XPO1: variants seen among roughly 807,000 people sequenced by gnomAD.
The protein encoded by XPO1 is exportin 1, also known as exportin-1.
Under a neutral mutation model 133.3 loss-of-function variants are expected in XPO1, and 5 were observed. The observed-to-expected ratio is 0.04, with a 90% CI of 0.02 to 0.08. The LOEUF (loss-of-function observed/expected upper bound fraction) is 0.08, where lower values mean the gene tolerates loss of function less well. Among genes scored for constraint, XPO1 ranks in the 10% least tolerant of loss-of-function variants. XPO1 has a pLI of 1.00. For synonymous variants in XPO1, 419 were observed against 408.2 expected, an observed-to-expected ratio of 1.03 and a Z score of -0.32; for missense variants, 506 against 1,267.5, an observed-to-expected ratio of 0.40 and a Z score of 9.12.
chr2:61,514,336 T>C (rs1263436809), intron 4 of XPO1, among the ~76,000 whole-genome samples: 5 of 152,142 alleles, frequency 3.3e-5, no homozygotes, highest in Admixed American at 6.6e-5. Context: ...CTCATGCCTG[T>C]AATCCCAGCA....
Position 61,502,258 on chromosome 2 carries a change from A to C in XPO1, c.354T>G (p.Thr118=), listed in dbSNP as rs751410234. ...CAAAATAAACTCTTACCTCTACACA[A>C]GTTGGGTCAGATGACGTCTTGATAA... ...GLIIKTSSDP[T]CVEKEKVYIG... Residue 118 remains threonine (T), a synonymous_variant, in exon 5 of 25, where the codon ACT becomes ACG. Coordinates refer to ENST00000401558, the MANE Select transcript of XPO1 (RefSeq NM_003400.4). 1.2e-6 allele frequency: 2 copies of C among 1,613,332 alleles called. No homozygotes were observed. Among genetic ancestry groups the C allele is most frequent in the South Asian group, 2.2e-5 (2 of 90,776 alleles).
At chr2:61,483,789 T>G in intron 21 of XPO1, 148 bp downstream of exon 21, 1 of 885,068 alleles carries the variant, frequency 1.1e-6, no homozygotes, top group African/African-American at 1.7e-5. Context: ...AACAGTTGAT[T>G]AAACTGCTTA....
At chr2:61,498,387 T>C (rs1041576775) in intron 9 of XPO1, among the ~76,000 whole-genome samples, 1 of 152,232 alleles carries the variant, frequency 6.6e-6, no homozygotes, top group African/African-American at 2.4e-5. Flanking sequence ...TTTTCAGAAA[T>C]AGCACTTGAC....
chr2:61,495,174 A>G (rs1697186180), intron 11 of XPO1, among the ~76,000 whole-genome samples: 1 of 152,150 alleles, frequency 6.6e-6, no homozygotes, highest in African/African-American at 2.4e-5. Context: ...ATTAAAACTG[A>G]AATTTTAAAA....
chr2:61,517,825 T>C (rs1217380023), intron 4 of XPO1, among the ~76,000 whole-genome samples: 2 of 152,044 alleles, frequency 1.3e-5, no homozygotes, highest in South Asian at 2.1e-4. Context: ...CCTACAGTGC[T>C]AGCTACTCTC....
At chr2:61,490,128 A>T (rs565071826) in intron 17 of XPO1, among the ~76,000 whole-genome samples, 1 of 150,216 alleles carries the variant, frequency 6.7e-6, no homozygotes, top group African/African-American at 2.5e-5. Context: ...TGACCTAGTG[A>T]TCCACCCGTC....
intron 4 of XPO1, among the ~76,000 whole-genome samples, chr2:61,504,355 C>T (rs1451826093): frequency 2.0e-5 from 3 of 152,144 alleles, no homozygotes; most frequent in African/African-American, 7.2e-5. Context: ...ATGTTAAATT[C>T]TGAGAACATT....
chr2:61,506,098 TA>T (rs1317162407), intron 4 of XPO1, among the ~76,000 whole-genome samples: 2 of 151,910 alleles, frequency 1.3e-5, no homozygotes, highest in Admixed American at 1.3e-4. Flanking sequence ...GCCAAATAAA[TA>T]AATAAATAAA....
intron 4 of XPO1, among the ~76,000 whole-genome samples, chr2:61,521,359 G>C (rs560040451): frequency 6.6e-6 from 1 of 152,140 alleles, no homozygotes; most frequent in African/African-American, 2.4e-5. Flanking sequence ...AATAATCAAA[G>C]AAATTAGACA....
At chr2:61,524,999 C>T (rs1353216856) in intron 3 of XPO1, among the ~76,000 whole-genome samples, 1 of 151,658 alleles carries the variant, frequency 6.6e-6, no homozygotes, top group Non-Finnish European at 1.5e-5. Context: ...AATGATAAAT[C>T]ACTACAATCC....
intron 16 of XPO1, among the ~76,000 whole-genome samples, chr2:61,491,374 C>T (rs1353249360): frequency 1.3e-5 from 2 of 151,062 alleles, no homozygotes; most frequent in African/African-American, 4.9e-5. Context: ...ATCGTTTGAC[C>T]CCAGGAGGCA....
At chr2:61,536,087 T>C (rs1699344809) in intron 1 of XPO1, 1 of 152,218 alleles carries the variant, frequency 6.6e-6, no homozygotes, top group African/African-American at 2.4e-5. Context: ...AAATACACTG[T>C]TCTTATAAAA....
chr2:61,526,166 T>A, intron 3 of XPO1: 1 of 1,285,588 alleles, frequency 7.8e-7, no homozygotes, highest in Non-Finnish European at 9.8e-7. Context: ...TGTATACATA[T>A]ACTAAAAAGA....
chr2:61,493,146 A>C, intron 12 of XPO1, 93 bp from the exon 13 acceptor site: 4 of 1,321,764 alleles, frequency 3.0e-6, no homozygotes, highest in Non-Finnish European at 4.0e-6. Flanking sequence ...AAAACCAAAA[A>C]AACCACAAGC....
chr2:61,497,446 C>T (rs558406339), intron 9 of XPO1, among the ~76,000 whole-genome samples: 48 of 152,244 alleles, frequency 3.2e-4, no homozygotes, highest in African/African-American at 1.1e-3. Flanking sequence ...CTCCTGACCT[C>T]GTGATCCGCT....
intron 2 of XPO1, among the ~76,000 whole-genome samples, chr2:61,532,892 T>G: frequency 6.6e-6 from 1 of 151,740 alleles, no homozygotes; most frequent in African/African-American, 2.4e-5. Context: ...AAAAACATGT[T>G]TGGGCCAGCA....
chr2:61,486,607 C>T (rs890375043), intron 19 of XPO1, among the ~76,000 whole-genome samples: 8 of 152,094 alleles, frequency 5.3e-5, no homozygotes, highest in Non-Finnish European at 1.2e-4. Context: ...AGGCACCTGC[C>T]ACCACGCCCA....
At chr2:61,526,024 G>C in intron 3 of XPO1, 1 of 1,064,706 alleles carries the variant, frequency 9.4e-7, no homozygotes, top group East Asian at 5.1e-5. Context: ...CCATGGAGTA[G>C]GGTTTTAAGC....
intron 2 of XPO1, among the ~76,000 whole-genome samples, chr2:61,531,152 C>A (rs1017618037): frequency 6.6e-5 from 10 of 152,160 alleles, no homozygotes; most frequent in African/African-American, 2.4e-4. Context: ...AGGTGGTAAA[C>A]GAAAAGTAGA....
Sources: gnomAD v4.1 joint callset for allele counts (sites outside exome capture counted in the v4.1 genomes callset) on GRCh38, gnomAD v4.1.1 for gene constraint, MANE v1.5 for transcripts, NCBI Gene and HGNC (gene_info 2026-07-23, HGNC 2026-07-21) for gene names.